The following CD99L2 variants were observed in gnomAD, a reference collection of about 807,000 sequenced individuals.
CD99L2 encodes CD99 antigen-like protein 2.
In CD99L2, 24 loss-of-function variants were observed where a neutral mutation model predicts 27.3. The ratio of observed to expected loss-of-function variants is 0.88; its 90% confidence interval spans 0.64 to 1.24. The LOEUF is 1.24. Among genes scored for constraint, CD99L2 ranks in the 50% most tolerant of loss-of-function variants. CD99L2 has a pLI of 0.00. For missense variants in CD99L2, 255 were observed against 221.6 expected (o/e 1.15, Z -0.96); for synonymous variants, 97 against 87.9 (o/e 1.10, Z -0.58).
chrX:150,777,818 T>C (rs1223880224), intron 7 of CD99L2, among the ~76,000 whole-genome samples: 1 of 111,859 alleles, frequency 8.9e-6, no homozygotes, highest in East Asian at 2.8e-4. Context: ...GGCCTCACCA[T>C]AAGTGGGGGG....
At chrX:150,886,159 T>A (rs1386173610) in intron 1 of CD99L2, among the ~76,000 whole-genome samples, 1 of 112,263 alleles carries the variant, frequency 8.9e-6, no homozygotes, top group Non-Finnish European at 1.9e-5. Context: ...TATTCCAACA[T>A]GTCTGTCCTG....
At chrX:150,868,244 T>G (rs782727882) in intron 1 of CD99L2, among the ~76,000 whole-genome samples, 27 of 111,637 alleles carry the variant, frequency 2.4e-4, no homozygotes, top group Non-Finnish European at 4.3e-4. Context: ...CCATATATTC[T>G]TGGCTGGGTA....
At chrX:150,814,761 T>C in intron 4 of CD99L2, 101 bp downstream of exon 4, 2 of 768,245 alleles carry the variant, frequency 2.6e-6, no homozygotes, top group South Asian at 4.9e-5. Flanking sequence ...TTGAAGTGCC[T>C]CCACCTCTGC....
In CD99L2 at chrX:150,795,173, T is replaced by C. The variant is rs782480199; in HGVS notation, c.430+33A>G. ...CTCTGGCTCTGTGGGATGATGTAAT[T>C]AATGAGACAGAACCAGACCAGGTGG... is the stretch of plus-strand genomic sequence containing the variant. On this transcript the variant is annotated intron_variant, in intron 6 of 10. Coordinates refer to ENST00000370377, the MANE Select transcript of CD99L2 (RefSeq NM_031462.4). 20 of 1,200,006 alleles carry C rather than the reference T, an allele frequency of 1.7e-5. 1 individual carries two copies. In the African/African-American group the frequency reaches 2.8e-4, roughly 17 times the overall value.
intron 1 of CD99L2, among the ~76,000 whole-genome samples, chrX:150,861,425 T>C (rs1427298859): frequency 1.8e-5 from 2 of 111,317 alleles, no homozygotes; most frequent in African/African-American, 6.5e-5. Context: ...CGTAGACCAA[T>C]GGAACAGAAT....
chrX:150,824,043 GGAA>G (rs1301578857), intron 2 of CD99L2, among the ~76,000 whole-genome samples: 8 of 94,356 alleles, frequency 8.5e-5, no homozygotes, highest in African/African-American at 2.7e-4. Flanking sequence ...AGGAGGAGGA[GGAA>G]GAAGAAGAGG....
chrX:150,806,546 A>G (rs1417062781), intron 4 of CD99L2, among the ~76,000 whole-genome samples: 11 of 112,494 alleles, frequency 9.8e-5, no homozygotes, highest in Non-Finnish European at 1.7e-4. Context: ...AATATCTATT[A>G]ATTGACACTA....
At position 150,768,849 on chromosome X, in the gene CD99L2, A is replaced by G; in HGVS notation, c.*185T>C. 2.1e-6 allele frequency: 2 copies of G among 959,903 alleles called. No individual in the cohort carries two copies. Among genetic ancestry groups the G allele is most frequent in the East Asian group, 4.0e-5 (1 of 24,733 alleles). The allele number at this position is 959,903 out of a possible 1,213,427, so 79.1% of individuals were successfully genotyped here. A position where few individuals can be genotyped will look rare whatever the true frequency, so the allele number is the denominator to read the frequency against. On this transcript the variant is annotated 3_prime_UTR_variant, in exon 11 of 11. Coordinates refer to ENST00000370377, the MANE Select transcript of CD99L2 (RefSeq NM_031462.4). ...CTCTTGAATTTCGGCACCAAGTCTC[A>G]GCACGCTTGGGGCAGGGCAGAGAAA...
intron 1 of CD99L2, among the ~76,000 whole-genome samples, chrX:150,842,121 C>T (rs1186514766): frequency 1.8e-5 from 2 of 111,913 alleles, no homozygotes; most frequent in African/African-American, 3.2e-5. Flanking sequence ...TTACTTCCAC[C>T]GCAGAGGGCC....
chrX:150,889,010 A>G (rs1403640422), intron 1 of CD99L2, among the ~76,000 whole-genome samples: 5 of 112,888 alleles, frequency 4.4e-5, no homozygotes, highest in Admixed American at 2.8e-4. Flanking sequence ...AATAGGCGAC[A>G]GCAACGGCCT....
At chrX:150,784,176 C>G (rs1277760011) in intron 7 of CD99L2, among the ~76,000 whole-genome samples, 1 of 110,756 alleles carries the variant, frequency 9.0e-6, no homozygotes, top group Non-Finnish European at 1.9e-5. Context: ...CCCTTGCCCC[C>G]ATTTGGTTCC....
chrX:150,789,116 CT>C (rs1306002883), intron 7 of CD99L2, among the ~76,000 whole-genome samples: 10 of 67,528 alleles, frequency 1.5e-4, no homozygotes, highest in African/African-American at 3.7e-4. Context: ...TTTATGAATT[CT>C]TTTTTTCTTT....
At chrX:150,883,559 G>A (rs918655418) in intron 1 of CD99L2, among the ~76,000 whole-genome samples, 1 of 111,411 alleles carries the variant, frequency 9.0e-6, no homozygotes, top group Admixed American at 9.6e-5. Context: ...GAAAATGGTA[G>A]AAACTTTAAG....
In CD99L2 at chrX:150,795,487, C is replaced by T; in HGVS notation, c.278-1G>A. On this transcript the variant is annotated splice_acceptor_variant, in intron 4 of 10. Transcript: ENST00000370377. LOFTEE classifies it high-confidence loss of function. ...GTGGTGGTTACATGGTTCCATCTCT[C>T]TAAAAGGGGAAGGGAGGACAGCAAA... 8.3e-6 allele frequency: 10 copies of T among 1,210,371 alleles called. No individual in the cohort carries two copies. Among genetic ancestry groups the T allele is most frequent in the Non-Finnish European group, 1.0e-5 (9 of 894,922 alleles).
At chrX:150,842,702 G>A (rs1004790906) in intron 1 of CD99L2, among the ~76,000 whole-genome samples, 29 of 112,257 alleles carry the variant, frequency 2.6e-4, no homozygotes, top group Non-Finnish European at 4.3e-4. Flanking sequence ...ACATGTGGCC[G>A]TTTAAATTAA....
At chrX:150,794,995 T>C (rs2045769607) in intron 6 of CD99L2, among the ~76,000 whole-genome samples, 1 of 112,737 alleles carries the variant, frequency 8.9e-6, no homozygotes, top group South Asian at 3.7e-4. Flanking sequence ...AATTCTAAGA[T>C]GATGAGTATT....
intron 1 of CD99L2, among the ~76,000 whole-genome samples, chrX:150,898,054 A>AACCCCCCCCCC (rs2047641582): frequency 6.7e-5 from 2 of 29,967 alleles, no homozygotes; most frequent in Admixed American, 4.7e-4. Flanking sequence ...CGCCTCGCTG[A>AACCCCCCCCCC]CCCCCCCCCC....
At chrX:150,844,742 A>G (rs17319125) in intron 1 of CD99L2, among the ~76,000 whole-genome samples, 6,228 of 111,239 alleles carry the variant, frequency 0.056, 146 homozygotes, top group South Asian at 0.14. Context: ...AATTTAAATC[A>G]CTCCCAGAGA....
chrX:150,770,308 G>C lies in CD99L2; in HGVS notation c.717C>G (p.Pro239=). The C allele has an allele frequency of 1.7e-6, 2 of 1,211,170 alleles. No individual in the cohort carries two copies. Among genetic ancestry groups the C allele is most frequent in the Non-Finnish European group, 2.2e-6 (2 of 894,713 alleles). The change falls in exon 10 of 11, where the codon CCC becomes CCG. Residue 239 remains proline, a synonymous_variant. Coordinates refer to ENST00000370377, the MANE Select transcript of CD99L2 (RefSeq NM_031462.4). The part of the protein sequence containing the change: ...ENLEAVVCEE[P]QVKYSTLHTQ... The stretch of plus-strand genomic sequence containing the variant: ...CAGTGAGTACAAAGTTCTCACCTTG[G>C]GGTTCCTCACATACCACGGCTTCCA...
Sources: allele counts gnomAD v4.1 joint callset (sites outside exome capture counted in the v4.1 genomes callset), GRCh38; gene constraint gnomAD v4.1.1; transcripts MANE v1.5; gene names NCBI Gene and HGNC (gene_info 2026-07-23, HGNC 2026-07-21).